LIPI: variants seen among roughly 807,000 people sequenced by gnomAD.
LIPI encodes lipase member I.
In LIPI, 59 loss-of-function variants were observed where a neutral mutation model predicts 50.6. The observed-to-expected ratio is 1.16, with a 90% CI of 0.94 to 1.45. The LOEUF is 1.45. LIPI is among the 40% of genes most tolerant of loss of function. The pLI, the probability that LIPI is intolerant of heterozygous loss-of-function variation, is 0.00. For synonymous variants in LIPI, 203 were observed against 178.2 expected (o/e 1.14, Z -1.11); for missense variants, 586 against 536.3 (o/e 1.09, Z -0.92).
At chr21:14,147,810 AT>A (rs915596869) in intron 8 of LIPI, among the ~76,000 whole-genome samples, 116 of 152,150 alleles carry the variant, frequency 7.6e-4, no homozygotes, top group African/African-American at 2.5e-3. Flanking sequence ...AACACACAAC[AT>A]GTCTATTCTA....
intron 1 of LIPI, among the ~76,000 whole-genome samples, chr21:14,203,199 G>C (rs2020119886): frequency 6.6e-6 from 1 of 152,104 alleles, no homozygotes; most frequent in Admixed American, 6.5e-5. Context: ...TGCTGGAGAG[G>C]ATGTGGAGAA....
intron 1 of LIPI, among the ~76,000 whole-genome samples, chr21:14,199,244 T>A (rs1477006849): frequency 6.6e-6 from 1 of 150,560 alleles, no homozygotes; most frequent in East Asian, 2.0e-4. Context: ...ATAACCAAAA[T>A]CAGAGCTGAA....
At chr21:14,155,615 A>C (rs1263435852) in intron 7 of LIPI, among the ~76,000 whole-genome samples, 1 of 152,036 alleles carries the variant, frequency 6.6e-6, no homozygotes, top group Non-Finnish European at 1.5e-5. Flanking sequence ...CACCAGTTTG[A>C]ATCATAATGG....
chr21:14,174,540 G>GTTTATTTTAT (rs34581945), intron 4 of LIPI, among the ~76,000 whole-genome samples: 1,719 of 150,606 alleles, frequency 0.011, 17 homozygotes, highest in Non-Finnish European at 0.016. Flanking sequence ...ATCATCTGTT[G>GTTTATTTTAT]TTTATTTTAT....
At chr21:14,187,484 C>T (rs2019496234) in intron 2 of LIPI, among the ~76,000 whole-genome samples, 1 of 152,182 alleles carries the variant, frequency 6.6e-6, no homozygotes, top group Admixed American at 6.5e-5. Flanking sequence ...TTAAATCTTC[C>T]TCTGTAATAT....
intron 1 of LIPI, among the ~76,000 whole-genome samples, chr21:14,204,055 G>C (rs565287611): frequency 3.9e-5 from 6 of 151,934 alleles, no homozygotes; most frequent in Non-Finnish European, 7.4e-5. Context: ...ATGGACACAT[G>C]GGGGAGAACA....
At chr21:14,198,927 A>G (rs1323715083) in intron 1 of LIPI, among the ~76,000 whole-genome samples, 1 of 152,160 alleles carries the variant, frequency 6.6e-6, no homozygotes, top group Non-Finnish European at 1.5e-5. Context: ...CCACAGTGTA[A>G]TCAAATTAGA....
chr21:14,186,241 T>C (rs371881492), intron 2 of LIPI, among the ~76,000 whole-genome samples, 172 bp from the exon 3 acceptor site: 99 of 152,346 alleles, frequency 6.5e-4, no homozygotes, highest in African/African-American at 2.3e-3. Context: ...TGTTCAACTT[T>C]TGCCACAAAA....
intron 1 of LIPI, among the ~76,000 whole-genome samples, chr21:14,196,838 A>C (rs562439140): frequency 6.6e-6 from 1 of 152,210 alleles, no homozygotes; most frequent in Non-Finnish European, 1.5e-5. Flanking sequence ...CAACAACAAC[A>C]AAAAATAATC....
intron 1 of LIPI, 83 bp from the exon 2 acceptor site, chr21:14,189,502 T>A (rs2019591142): frequency 7.9e-7 from 1 of 1,273,470 alleles, no homozygotes; most frequent in East Asian, 2.3e-5. Context: ...GAATTAAATG[T>A]GGAGGGTAGG....
At chr21:14,136,904 A>T (rs906131722) in intron 9 of LIPI, among the ~76,000 whole-genome samples, 3 of 152,176 alleles carry the variant, frequency 2.0e-5, no homozygotes, top group African/African-American at 7.2e-5. Flanking sequence ...GGGAAAATAT[A>T]AGGAAAGAGA....
chr21:14,148,377 C>T (rs955791241), intron 8 of LIPI, among the ~76,000 whole-genome samples: 2 of 152,068 alleles, frequency 1.3e-5, no homozygotes, highest in Non-Finnish European at 2.9e-5. Flanking sequence ...GACTCCTGTG[C>T]CATCTTAAAG....
At chr21:14,139,214 T>C (rs1463150761) in intron 9 of LIPI, among the ~76,000 whole-genome samples, 4 of 152,144 alleles carry the variant, frequency 2.6e-5, no homozygotes, top group Admixed American at 6.6e-5. Context: ...TAGTGTATTT[T>C]ATTATTAGTG....
intron 1 of LIPI, among the ~76,000 whole-genome samples, chr21:14,197,236 C>G (rs1474584114): frequency 1.3e-5 from 2 of 151,790 alleles, no homozygotes; most frequent in Non-Finnish European, 2.9e-5. Flanking sequence ...CAATTGGAAT[C>G]ATCATACTAA....
At chr21:14,164,510 A>G (rs2018607605) in intron 6 of LIPI, among the ~76,000 whole-genome samples, 1 of 152,114 alleles carries the variant, frequency 6.6e-6, no homozygotes, top group Non-Finnish European at 1.5e-5. Context: ...ATCACTACCT[A>G]TTCCTCGAAC....
At chr21:14,141,768 C>A (rs1223711673) in intron 9 of LIPI, among the ~76,000 whole-genome samples, 2 of 152,144 alleles carry the variant, frequency 1.3e-5, no homozygotes, top group African/African-American at 4.8e-5. Context: ...AACTAAATTT[C>A]TGTTTCTCAT....
chr21:14,170,150 G>A, intron 4 of LIPI, among the ~76,000 whole-genome samples: 1 of 152,056 alleles, frequency 6.6e-6, no homozygotes, highest in East Asian at 1.9e-4. Flanking sequence ...TACACCCTCT[G>A]AAGACTAAAC....
intron 9 of LIPI, among the ~76,000 whole-genome samples, chr21:14,130,497 C>T (rs1426064205): frequency 6.6e-6 from 1 of 152,162 alleles, no homozygotes; most frequent in Non-Finnish European, 1.5e-5. Flanking sequence ...GGATAATACC[C>T]ACTACCATGC....
intron 7 of LIPI, among the ~76,000 whole-genome samples, chr21:14,153,667 A>G (rs2018177713): frequency 6.6e-6 from 1 of 152,160 alleles, no homozygotes. Flanking sequence ...GGGACTTCAG[A>G]GCCTGTTGTA....
Sources: allele counts gnomAD v4.1 joint callset (sites outside exome capture counted in the v4.1 genomes callset), GRCh38; gene constraint gnomAD v4.1.1; transcripts MANE v1.5; gene names NCBI Gene and HGNC (gene_info 2026-07-23, HGNC 2026-07-21).